Variants in NRXN1 observed in about 807,000 individuals in gnomAD.
The protein encoded by NRXN1 is neurexin-1.
Under a neutral mutation model 150.9 loss-of-function variants are expected in NRXN1, and 39 were observed. That is an observed-to-expected ratio of 0.26 (90% confidence interval 0.20 to 0.34). The LOEUF (loss-of-function observed/expected upper bound fraction) is 0.34, where lower values mean the gene tolerates loss of function less well. Ranked by LOEUF, NRXN1 falls within the 10% of genes least tolerant of loss-of-function variation. The pLI is 1.00. For synonymous variants in NRXN1, 924 were observed against 757.0 expected, an observed-to-expected ratio of 1.22 and a Z score of -3.62; for missense variants, 1,815 against 1,949.9, an observed-to-expected ratio of 0.93 and a Z score of 1.30.
At chr2:50,524,725 G>A (rs540083408) in intron 12 of NRXN1, among the ~76,000 whole-genome samples, 5 of 152,158 alleles carry the variant, frequency 3.3e-5, no homozygotes, top group African/African-American at 7.2e-5. Flanking sequence ...GTTGATAGGA[G>A]CAAGTTTAGT....
At position 50,718,001 on chromosome 2, in the gene NRXN1, C is replaced by T. The variant is rs190924997; in HGVS notation, c.833-94386G>A. ...GGCGGAATAAACATTTAGTGCACTA[C>T]AACAGTTTATATGCCCACTGTTCTC... On this transcript the variant is annotated intron_variant, in intron 5 of 22. Transcript: ENST00000401669. Among the ~76,000 whole-genome samples, 5 of 152,276 alleles carry T rather than the reference C, an allele frequency of 3.3e-5. No homozygotes were observed. The East Asian group carries it at 5.8e-4, about 18-fold the overall frequency.
chr2:50,746,559 AAACAACAACAACAAC>A (rs77543976), intron 5 of NRXN1, among the ~76,000 whole-genome samples: 9 of 149,178 alleles, frequency 6.0e-5, no homozygotes, highest in Admixed American at 2.7e-4. Context: ...CCCTGTCTCA[AAACAACAACAACAAC>A]AACAACAACA....
At chr2:50,258,649 C>A (rs1037907784) in intron 17 of NRXN1, among the ~76,000 whole-genome samples, 1 of 151,988 alleles carries the variant, frequency 6.6e-6, no homozygotes, top group African/African-American at 2.4e-5. Flanking sequence ...TTAATGGCAT[C>A]TAGAATGGTA....
chr2:50,748,479 T>C (rs1378846652), intron 5 of NRXN1, among the ~76,000 whole-genome samples: 1 of 152,150 alleles, frequency 6.6e-6, no homozygotes, highest in Non-Finnish European at 1.5e-5. Flanking sequence ...GTCATTAGCG[T>C]ACAGCCTTTC....
At chr2:50,172,556 A>G (rs988245377) in intron 18 of NRXN1, among the ~76,000 whole-genome samples, 2 of 152,166 alleles carry the variant, frequency 1.3e-5, no homozygotes, top group African/African-American at 4.8e-5. Flanking sequence ...AAAATTATAA[A>G]CACATCCACT....
intron 21 of NRXN1, among the ~76,000 whole-genome samples, chr2:49,976,017 A>AT (rs10597958): frequency 1.1e-4 from 10 of 91,432 alleles, no homozygotes; most frequent in African/African-American, 1.3e-4. Context: ...ATGCGGAAGA[A>AT]TTTTTTTTTT....
chr2:50,849,113 A>G (rs1406543979), intron 5 of NRXN1, among the ~76,000 whole-genome samples: 1 of 152,174 alleles, frequency 6.6e-6, no homozygotes, highest in Non-Finnish European at 1.5e-5. Context: ...TCACTCTCTA[A>G]TTGCCAGCAT....
chr2:50,385,346 C>T (rs139330544), intron 17 of NRXN1, among the ~76,000 whole-genome samples: 1 of 152,294 alleles, frequency 6.6e-6, no homozygotes, highest in South Asian at 2.1e-4. Flanking sequence ...AGTATTAAAT[C>T]TTCTCATGTC....
At chr2:49,933,119 C>T (rs185453222) in intron 22 of NRXN1, among the ~76,000 whole-genome samples, 2 of 152,168 alleles carry the variant, frequency 1.3e-5, no homozygotes, top group Admixed American at 1.3e-4. Flanking sequence ...CAGAGTCTTG[C>T]TCTGTCGCCC....
intron 2 of NRXN1, among the ~76,000 whole-genome samples, chr2:51,011,688 A>C (rs558628313): frequency 2.6e-5 from 4 of 152,162 alleles, no homozygotes; most frequent in African/African-American, 9.6e-5. Context: ...TGTTGAAAGA[A>C]AATGGTAAGA....
At chr2:50,573,164 G>A (rs1670905376) in intron 8 of NRXN1, among the ~76,000 whole-genome samples, 1 of 152,066 alleles carries the variant, frequency 6.6e-6, no homozygotes, top group African/African-American at 2.4e-5. Context: ...GAGCTCAGGA[G>A]TTCGAGACCA....
chr2:50,529,187 G>C (rs922617021), intron 11 of NRXN1, among the ~76,000 whole-genome samples: 1 of 152,118 alleles, frequency 6.6e-6, no homozygotes, highest in Admixed American at 6.6e-5. Flanking sequence ...TTATTTGCTT[G>C]GGCATAAAAA....
intron 5 of NRXN1, among the ~76,000 whole-genome samples, chr2:50,856,966 C>A (rs1277040395): frequency 2.6e-5 from 4 of 152,044 alleles, no homozygotes; most frequent in East Asian, 1.9e-4. Flanking sequence ...CCAGATACCA[C>A]AAGAGACAAA....
intron 5 of NRXN1, among the ~76,000 whole-genome samples, chr2:50,688,349 G>A (rs568052119): frequency 1.3e-5 from 2 of 152,104 alleles, no homozygotes; most frequent in African/African-American, 4.8e-5. Context: ...TTATTCGAAT[G>A]ACTTAATCTT....
At chr2:51,001,234 T>TGG (rs749646036) in intron 2 of NRXN1, among the ~76,000 whole-genome samples, 2 of 13,490 alleles carry the variant, frequency 1.5e-4, no homozygotes, top group Non-Finnish European at 3.9e-4. Context: ...TTCATGGGGT[T>TGG]GGGGGGGGGG....
chr2:50,976,223 T>C (rs1234628314), intron 2 of NRXN1, among the ~76,000 whole-genome samples: 5 of 151,070 alleles, frequency 3.3e-5, no homozygotes, highest in Middle Eastern at 3.4e-3. Flanking sequence ...AGAAACTCAC[T>C]AGGTGCACAA....
At chr2:50,368,213 G>A (rs114180787) in intron 17 of NRXN1, among the ~76,000 whole-genome samples, 323 of 152,060 alleles carry the variant, frequency 2.1e-3, no homozygotes, top group African/African-American at 7.5e-3. Flanking sequence ...ATACAGGACA[G>A]AAGATTGTTT....
At chr2:50,783,379 C>T (rs768973488) in intron 5 of NRXN1, among the ~76,000 whole-genome samples, 8 of 152,196 alleles carry the variant, frequency 5.3e-5, no homozygotes, top group African/African-American at 1.9e-4. Context: ...CCTGGGGATC[C>T]TTCTGCTAAT....
At chr2:50,302,114 A>AG in intron 17 of NRXN1, among the ~76,000 whole-genome samples, 1 of 151,958 alleles carries the variant, frequency 6.6e-6, no homozygotes, top group East Asian at 1.9e-4. Context: ...AGGAAAAAAA[A>AG]TGAGAAAAAA....
Sources: gnomAD v4.1 joint callset for allele counts (sites outside exome capture counted in the v4.1 genomes callset) on GRCh38, gnomAD v4.1.1 for gene constraint, MANE v1.5 for transcripts, NCBI Gene and HGNC (gene_info 2026-07-23, HGNC 2026-07-21) for gene names.